The following SAMD9 variants were observed in gnomAD, a reference collection of about 807,000 sequenced individuals.
SAMD9 encodes the protein sterile alpha motif domain containing 9.
In SAMD9, 3 loss-of-function variants were observed where a neutral mutation model predicts 1.5. The observed-to-expected ratio is 2.05, with a 90% CI of 0.93 to 5.29. SAMD9 has a LOEUF of 5.29. SAMD9 is among the 30% of genes most tolerant of loss of function. SAMD9 has a pLI of 0.02. For synonymous variants in SAMD9, 635 were observed against 631.9 expected (o/e 1.00, Z -0.07); for missense variants, 1,597 against 1,820.8 (o/e 0.88, Z 2.24).
At chr7:93,114,291 G>T (rs1235340473) in intron 2 of SAMD9, among the ~76,000 whole-genome samples, 1 of 144,250 alleles carries the variant, frequency 6.9e-6, no homozygotes, top group Non-Finnish European at 1.5e-5. Context: ...CACACACTGG[G>T]GCCTGTTGTG....
Position 93,102,755 on chromosome 7 carries a change from C to G in SAMD9, c.3343G>C (p.Asp1115His), listed in dbSNP as rs1249323755. 6.2e-7 allele frequency: 1 copy of G among 1,613,828 alleles called. No individual in the cohort carries two copies. Among genetic ancestry groups the G allele is most frequent in the South Asian group, 1.1e-5 (1 of 91,080 alleles). ...WAKQAKIIEP[D>H]NSYISDTLGQ... Reference sequence around the variant, plus strand: ...AGTGTATCTGAGATATAAGAATTGTCAGGTTCTATGATTTTTGCTTGTTTT... The same window carrying G: ...AGTGTATCTGAGATATAAGAATTGTGAGGTTCTATGATTTTTGCTTGTTTT... Residue 1115 changes from aspartate to histidine, a missense_variant, in exon 3 of 3, where the codon GAC becomes CAC. Coordinates refer to ENST00000379958, the MANE Select transcript of SAMD9 (RefSeq NM_017654.4).
At chr7:93,109,634 C>T (rs1275972533) in intron 2 of SAMD9, among the ~76,000 whole-genome samples, 2 of 152,278 alleles carry the variant, frequency 1.3e-5, no homozygotes, top group African/African-American at 2.4e-5. Context: ...AGCTGAAAAC[C>T]ATGGCACAAG....
Position 93,102,477 on chromosome 7 carries a change from T to C in SAMD9, c.3621A>G (p.Thr1207=). 6.2e-7 allele frequency: 1 copy of C among 1,613,772 alleles called. No individual in the cohort carries two copies. Among genetic ancestry groups the C allele is most frequent in the Non-Finnish European group, 8.5e-7 (1 of 1,179,712 alleles). Residue 1207 remains threonine, a synonymous_variant, in exon 3 of 3, where the codon ACA becomes ACG. Transcript: ENST00000379958. ...YQGEIEVGLY[T]IQILQLIPFF... ...AAGGAATGAGCTGGAGAATTTGGAT[T>C]GTGTAAAGCCCAACTTCTATCTCTC...
chr7:93,110,415 C>G (rs571961917), intron 2 of SAMD9, among the ~76,000 whole-genome samples: 2 of 152,286 alleles, frequency 1.3e-5, no homozygotes, highest in African/African-American at 4.8e-5. Context: ...AGCAAAAGAA[C>G]CAGCTAACAT....
rs1791585756 is a variant in SAMD9, at chr7:93,104,046, A to T, written c.2052T>A (p.Tyr684Ter). The T allele has an allele frequency of 6.2e-7, 1 of 1,613,886 alleles. No homozygotes were observed. The highest frequency in any genetic ancestry group is 1.3e-5 in the African/African-American group (1 of 74,920). ...EFKASKEEDF[Y>*]RGGKVSWWNF... ...TCCACCATGACACTTTGCCACCTCG[A>T]TAGAAGTCTTCCTCTTTTGATGCCT... Residue 684 changes from tyrosine to a stop codon, truncating the protein, a stop_gained, in exon 3 of 3, where the codon TAT (tyrosine) becomes TAA (stop). Coordinates refer to ENST00000379958, the MANE Select transcript of SAMD9 (RefSeq NM_017654.4). LOFTEE classifies it low-confidence loss of function (END_TRUNC).
rs1226870919 is a variant in SAMD9 at position 93,101,732 on chromosome 7, A to G, written c.4366T>C (p.Tyr1456His). The change falls in exon 3 of 3, where the codon TAT becomes CAT. Residue 1456 changes from tyrosine (Y) to histidine (H), a missense_variant. Tyr to His is a moderately conservative substitution (Grantham distance 83). Around this residue, in one of 6 missense-constraint regions of SAMD9, gnomAD observed 682 missense variants for 810.0 expected, o/e 0.84. Coordinates refer to ENST00000379958, the MANE Select transcript of SAMD9 (RefSeq NM_017654.4). ...AAAGAATTTTTTAGTGCTTGAGCAT[A>G]CTCTTTCATTTGTTCAGAATGTTGA... ...LDQHSEQMKE[Y>H]AQALKNSFKG... 6.2e-7 allele frequency: 1 copy of G among 1,613,618 alleles called. No individual in the cohort carries two copies. The highest frequency in any genetic ancestry group is 8.5e-7 in the Non-Finnish European group (1 of 1,179,738).
chr7:93,106,132 T>A, intron 2 of SAMD9, 27 bp from the exon 3 acceptor site: 1 of 1,457,372 alleles, frequency 6.9e-7, no homozygotes, highest in Non-Finnish European at 9.2e-7. Context: ...AAAAATTATT[T>A]AGTATTATTA....
chr7:93,104,261 C>T lies in SAMD9; in HGVS notation c.1837G>A (p.Glu613Lys), dbSNP rs1471135137. The T allele has an allele frequency of 1.9e-6, 3 of 1,613,628 alleles. No individual in the cohort carries two copies. Among genetic ancestry groups the T allele is most frequent in the Non-Finnish European group, 2.5e-6 (3 of 1,179,716 alleles). ...AGTTTAAGAATAGTGCCATTGATCT[C>T]TTCAAGGCTTAAAGCAGAAATACAT... ...SQCISALSLE[E>K]INGTILKLKS... Residue 613 changes from glutamate (E) to lysine (K), a missense_variant, in exon 3 of 3, where the codon GAG (glutamate) becomes AAG (lysine). By Grantham distance (56) the Glu-to-Lys change is moderately conservative. This residue lies in a region of SAMD9 where 358 missense variants were observed against 460.4 expected (regional missense o/e 0.78). Transcript: ENST00000379958.
chr7:93,113,435 A>C (rs1180478734), intron 2 of SAMD9, among the ~76,000 whole-genome samples: 14 of 152,258 alleles, frequency 9.2e-5, no homozygotes, highest in Non-Finnish European at 2.9e-5. Context: ...AATGGCAACA[A>C]AACCAAAATT....
In SAMD9 at chr7:93,104,336, C is replaced by A. The variant is rs1251931171; in HGVS notation, c.1762G>T (p.Asp588Tyr). 1.9e-6 allele frequency: 3 copies of A among 1,613,740 alleles called. No homozygotes were observed. Among genetic ancestry groups the A allele is most frequent in the Non-Finnish European group, 2.5e-6 (3 of 1,179,786 alleles). ...VHPHIFQGWK[D>Y]LLEARLIKHQ... ...TTTATTAATCTTGCTTCAAGTAGAT[C>A]TTTCCATCCCTGAAATATGTGTGGG... The change falls in exon 3 of 3, where the codon GAT becomes TAT. Residue 588 changes from aspartate to tyrosine, a missense_variant. By Grantham distance (160) the Asp-to-Tyr change is radical. Around this residue, in one of 6 missense-constraint regions of SAMD9, gnomAD observed 358 missense variants for 460.4 expected, o/e 0.78. Transcript: ENST00000379958.
In SAMD9 at chr7:93,100,121, C is replaced by T. The variant is rs1370088799; in HGVS notation, c.*1207G>A. On this transcript the variant is annotated 3_prime_UTR_variant, in exon 3 of 3. Coordinates refer to ENST00000379958, the MANE Select transcript of SAMD9 (RefSeq NM_017654.4). Reference sequence around the variant, plus strand: ...TTTTTTGGTCCTTTGCAATTTCTTTCTTTTTTGGTTGAAGAAACCAAAAAA... The same window carrying T: ...TTTTTTGGTCCTTTGCAATTTCTTTTTTTTTTGGTTGAAGAAACCAAAAAA... 6.6e-6 allele frequency: 1 copy of T among 152,020 alleles called. No homozygotes were observed. Among genetic ancestry groups the T allele is most frequent in the Non-Finnish European group, 1.5e-5 (1 of 67,960 alleles). 9.4% of individuals were successfully genotyped at this position (152,020 alleles called of 1,614,324 possible). A position where few individuals can be genotyped will look rare whatever the true frequency, so the allele number is the denominator to read the frequency against.
At chr7:93,112,353 T>G (rs1339508999) in intron 2 of SAMD9, among the ~76,000 whole-genome samples, 1 of 152,210 alleles carries the variant, frequency 6.6e-6, no homozygotes, top group Non-Finnish European at 1.5e-5. Flanking sequence ...AATATCATAC[T>G]GAATGGGCAA....
chr7:93,113,372 A>G (rs1791778105), intron 2 of SAMD9, among the ~76,000 whole-genome samples: 1 of 152,240 alleles, frequency 6.6e-6, no homozygotes, highest in South Asian at 2.1e-4. Context: ...CCTAGGCAAT[A>G]CCATTCAGGA....
At position 93,105,418 on chromosome 7, in the gene SAMD9, A is replaced by C; in HGVS notation, c.680T>G (p.Met227Arg). Reference sequence around the variant, plus strand: ...AATAGTGCCATTGGTACGTGAATTCATACAAGCTGAAGCAAATCGGAAAAC... The same window carrying C: ...AATAGTGCCATTGGTACGTGAATTCCTACAAGCTGAAGCAAATCGGAAAAC... ...NEVFRFASAC[M>R]NSRTNGTIHF... Residue 227 changes from methionine to arginine, a missense_variant, in exon 3 of 3, where the codon ATG (methionine) becomes AGG (arginine). Transcript: ENST00000379958. 6.2e-7 allele frequency: 1 copy of C among 1,614,082 alleles called. No homozygotes were observed. Among genetic ancestry groups the C allele is most frequent in the Non-Finnish European group, 8.5e-7 (1 of 1,179,988 alleles).
Position 93,101,797 on chromosome 7 carries a change from A to G in SAMD9, c.4301T>C (p.Leu1434Pro), listed in dbSNP as rs1791534931. ...LTYQFSEPYFLASLLFWPENQ... is the reference protein window; with the variant it reads ...LTYQFSEPYFPASLLFWPENQ... ...TTCTGGCCAGAATAAGAGGGAAGCT[A>G]GAAAATACGGTTCTGAAAACTGATA... Residue 1434 changes from leucine (L) to proline (P), a missense_variant, in exon 3 of 3, where the codon CTA (leucine) becomes CCA (proline). Coordinates refer to ENST00000379958, the MANE Select transcript of SAMD9 (RefSeq NM_017654.4). 7 of 1,613,890 alleles carry G rather than the reference A, an allele frequency of 4.3e-6. No homozygotes were observed. Among genetic ancestry groups the G allele is most frequent in the Non-Finnish European group, 5.9e-6 (7 of 1,179,782 alleles).
chr7:93,108,811 A>T (rs1217593282), intron 2 of SAMD9, among the ~76,000 whole-genome samples: 1 of 152,084 alleles, frequency 6.6e-6, no homozygotes, highest in Non-Finnish European at 1.5e-5. Context: ...GGAAGCTTGA[A>T]CTGGGTGGAG....
At chr7:93,114,595 CAA>C (rs1791804189) in intron 2 of SAMD9, among the ~76,000 whole-genome samples, 198 bp downstream of exon 2, 1 of 151,892 alleles carries the variant, frequency 6.6e-6, no homozygotes, top group African/African-American at 2.4e-5. Context: ...AACAAAATGA[CAA>C]GAGAGACTCA....
intron 2 of SAMD9, among the ~76,000 whole-genome samples, chr7:93,109,948 T>C (rs1791711446): frequency 6.6e-6 from 1 of 151,942 alleles, no homozygotes; most frequent in Non-Finnish European, 1.5e-5. Flanking sequence ...ATTCAGAAAA[T>C]ACAGAGAATG....
At chr7:93,115,826 T>C (rs932513570) in intron 1 of SAMD9, among the ~76,000 whole-genome samples, 1 of 152,218 alleles carries the variant, frequency 6.6e-6, no homozygotes, top group African/African-American at 2.4e-5. Context: ...AGGTGTTTAT[T>C]ATTGCAGTCT....
Sources: gnomAD v4.1 joint callset for allele counts (sites outside exome capture counted in the v4.1 genomes callset) on GRCh38, gnomAD v4.1.1 for gene constraint, gnomAD v4.1.1 regional missense constraint, MANE v1.5 for transcripts, NCBI Gene and HGNC (gene_info 2026-07-23, HGNC 2026-07-21) for gene names.